The following GNAI1 variants were observed in gnomAD, a reference collection of about 807,000 sequenced individuals.
GNAI1 encodes G protein subunit alpha i1, also known as guanine nucleotide-binding protein G(i) subunit alpha-1.
GNAI1 carries 11 observed loss-of-function variants against 38.9 expected under a neutral mutation model. The ratio of observed to expected loss-of-function variants is 0.28; its 90% CI spans 0.18 to 0.47. The LOEUF is 0.47. Ranked by LOEUF, GNAI1 falls within the 20% of genes least tolerant of loss-of-function variation. The probability of loss-of-function intolerance (pLI) is 0.99; values close to 1 mark genes in which losing one functional copy is unlikely to be tolerated. For synonymous variants in GNAI1, 166 were observed against 145.1 expected, an observed-to-expected ratio of 1.14 and a Z score of -1.04; for missense variants, 317 against 436.9, an observed-to-expected ratio of 0.73 and a Z score of 2.45.
intron 1 of GNAI1, among the ~76,000 whole-genome samples, chr7:80,164,922 G>GA (rs1465266836): frequency 2.7e-5 from 4 of 149,598 alleles, no homozygotes; most frequent in Admixed American, 6.6e-5. Context: ...AGAGGCATTG[G>GA]AAAAAAGGAT....
At chr7:80,205,809 C>A (rs545259929) in intron 5 of GNAI1, among the ~76,000 whole-genome samples, 1 of 152,056 alleles carries the variant, frequency 6.6e-6, no homozygotes, top group Non-Finnish European at 1.5e-5. Flanking sequence ...AATGGAGTAT[C>A]CCATGTCGTT....
intron 1 of GNAI1, among the ~76,000 whole-genome samples, chr7:80,161,937 G>C (rs1406964735): frequency 6.6e-6 from 1 of 152,084 alleles, no homozygotes; most frequent in African/African-American, 2.4e-5. Context: ...ATGTCCTAAA[G>C]GATCTATAAA....
At chr7:80,150,493 A>G (rs1214393127) in intron 1 of GNAI1, among the ~76,000 whole-genome samples, 2 of 152,206 alleles carry the variant, frequency 1.3e-5, no homozygotes, top group East Asian at 1.9e-4. Context: ...CCTCAGAACT[A>G]TGCCATATGT....
At position 80,168,700 on chromosome 7, in the gene GNAI1, C is replaced by T. The variant is rs143382941; in HGVS notation, c.119-20251C>T. The stretch of plus-strand genomic sequence containing the variant: ...GCCTGGCCAATTATTTTTAAGTGTA[C>T]AGTTCAGTGGCATTAAGTACAGTCA... On this transcript the variant is annotated intron_variant, in intron 1 of 7. Transcript: ENST00000649796. 1.2e-3 allele frequency among the ~76,000 whole-genome samples: 181 copies of T among 152,240 alleles called. 3 individuals carry two copies. In the East Asian group the frequency reaches 0.033, roughly 28 times the overall value.
chr7:80,174,455 G>GTT (rs546784682), intron 1 of GNAI1, among the ~76,000 whole-genome samples: 18 of 127,798 alleles, frequency 1.4e-4, no homozygotes, highest in Non-Finnish European at 2.5e-4. Flanking sequence ...ATCTTCTGCT[G>GTT]TTTTTTTTTT....
intron 3 of GNAI1, among the ~76,000 whole-genome samples, chr7:80,194,781 C>T (rs2115653435): frequency 6.6e-6 from 1 of 151,922 alleles, no homozygotes; most frequent in East Asian, 1.9e-4. Flanking sequence ...ATTTTTTTCC[C>T]CTATGGATCT....
intron 1 of GNAI1, among the ~76,000 whole-genome samples, chr7:80,144,396 C>G (rs1787581654): frequency 6.6e-6 from 1 of 152,054 alleles, no homozygotes; most frequent in African/African-American, 2.4e-5. Flanking sequence ...TGATAGAACT[C>G]CAGGATTATA....
At chr7:80,211,543 C>T (rs1387476709) in intron 6 of GNAI1, among the ~76,000 whole-genome samples, 2 of 151,952 alleles carry the variant, frequency 1.3e-5, no homozygotes, top group Non-Finnish European at 2.9e-5. Context: ...CTCAGCCTCC[C>T]AAGTAGCTGG....
At chr7:80,194,413 T>G (rs1788533476) in intron 3 of GNAI1, among the ~76,000 whole-genome samples, 1 of 152,192 alleles carries the variant, frequency 6.6e-6, no homozygotes, top group African/African-American at 2.4e-5. Context: ...AAGTCAAATT[T>G]TACTTAACTG....
intron 1 of GNAI1, among the ~76,000 whole-genome samples, chr7:80,148,968 T>A (rs1274985165): frequency 6.6e-6 from 1 of 152,106 alleles, no homozygotes; most frequent in African/African-American, 2.4e-5. Flanking sequence ...CTTAATTATA[T>A]GCAGTATCAG....
At chr7:80,216,709 T>C (rs1006932789) in intron 7 of GNAI1, among the ~76,000 whole-genome samples, 2 of 152,168 alleles carry the variant, frequency 1.3e-5, no homozygotes, top group African/African-American at 4.8e-5. Flanking sequence ...CCAAACAATT[T>C]CTGGAGTGTT....
intron 1 of GNAI1, among the ~76,000 whole-genome samples, chr7:80,177,398 A>G (rs537553063): frequency 7.6e-4 from 115 of 152,264 alleles, no homozygotes; most frequent in African/African-American, 2.7e-3. Flanking sequence ...CTGCACATAT[A>G]TAAAGATTCT....
intron 5 of GNAI1, among the ~76,000 whole-genome samples, chr7:80,206,082 A>G (rs7802238): frequency 0.01 from 1,565 of 152,212 alleles, 25 homozygotes; most frequent in African/African-American, 0.035. Flanking sequence ...ATTATATGCA[A>G]CGATACTTCT....
rs948798823 is a variant in GNAI1, at chr7:80,223,353, T to C, written c.*5860T>C. On this transcript the variant is annotated 3_prime_UTR_variant, in exon 8 of 8. Transcript: ENST00000649796. Reference sequence around the variant, plus strand: ...ATACAATTTTGCAGTTATTTTTTACTAAGTTGACAAATGTTTGTACAATTT... The same window carrying C: ...ATACAATTTTGCAGTTATTTTTTACCAAGTTGACAAATGTTTGTACAATTT... Among the ~76,000 whole-genome samples the C allele has an allele frequency of 6.6e-6, 1 of 152,246 alleles. No individual in the cohort carries two copies. Among genetic ancestry groups the C allele is most frequent in the African/African-American group, 2.4e-5 (1 of 41,472 alleles).
At position 80,219,480 on chromosome 7, in the gene GNAI1, A is replaced by G. The variant is rs1429947408; in HGVS notation, c.*1987A>G. 5 of 152,260 alleles carry G rather than the reference A, an allele frequency of 3.3e-5. No individual in the cohort carries two copies. Among genetic ancestry groups the G allele is most frequent in the Non-Finnish European group, 7.4e-5 (5 of 67,978 alleles). The allele number at this position is 152,260 out of a possible 1,614,324, so 9.4% of individuals were successfully genotyped here. A position where few individuals can be genotyped will look rare whatever the true frequency, so the allele number is the denominator to read the frequency against. On this transcript the variant is annotated 3_prime_UTR_variant, in exon 8 of 8. Transcript: ENST00000649796. ...TTGTTTCTTCATTTCTTCTTTTTCT[A>G]TGCTCTTTTTACAATTTCAGCTACT...
chr7:80,222,825 G>T lies in GNAI1; in HGVS notation c.*5332G>T, dbSNP rs1163685241. On this transcript the variant is annotated 3_prime_UTR_variant, in exon 8 of 8. Transcript: ENST00000649796. ...CTAGAAGAAAGTACAGGTGCTCCTT[G>T]ACTTACCGTGGGTTAAGTCCTGAAA... 6.6e-6 allele frequency among the ~76,000 whole-genome samples: 1 copy of T among 152,084 alleles called. No individual in the cohort carries two copies. Among genetic ancestry groups the T allele is most frequent in the Non-Finnish European group, 1.5e-5 (1 of 67,998 alleles).
chr7:80,217,269 T>C (rs1177186075), intron 7 of GNAI1, 34 bp from the exon 8 acceptor site: 6 of 957,540 alleles, frequency 6.3e-6, no homozygotes, highest in Admixed American at 3.7e-5. Context: ...TTTTAACTTT[T>C]TGCATTTATG....
At chr7:80,176,187 T>C (rs561707726) in intron 1 of GNAI1, among the ~76,000 whole-genome samples, 13 of 152,314 alleles carry the variant, frequency 8.5e-5, no homozygotes, top group African/African-American at 2.9e-4. Flanking sequence ...AAAGTTTTAG[T>C]GGTCTGGATA....
Position 80,196,471 on chromosome 7 carries a change from T to A in GNAI1, c.304-2754T>A, listed in dbSNP as rs577903195. ...ATTTATATTTATAGATGTTAAGTAA[T>A]TTTCTTTCTCACAAATTTTGCAAAG... is the stretch of plus-strand genomic sequence containing the variant. On this transcript the variant is annotated intron_variant, in intron 3 of 7. Coordinates refer to ENST00000649796, the MANE Select transcript of GNAI1 (RefSeq NM_002069.6). 1.1e-3 allele frequency among the ~76,000 whole-genome samples: 167 copies of A among 152,140 alleles called. 1 individual carries two copies. The highest frequency in any genetic ancestry group is 3.9e-3 in the African/African-American group (164 of 41,568).
Sources: gnomAD v4.1 joint callset for allele counts (sites outside exome capture counted in the v4.1 genomes callset) on GRCh38, gnomAD v4.1.1 for gene constraint, MANE v1.5 for transcripts, NCBI Gene and HGNC (gene_info 2026-07-23, HGNC 2026-07-21) for gene names.